Variants in NPEPL1 observed in about 807,000 individuals in gnomAD.
NPEPL1 encodes probable aminopeptidase NPEPL1.
A neutral mutation model predicts 52.4 loss-of-function variants in NPEPL1; 45 were observed. The ratio of observed to expected loss-of-function variants is 0.86; its 90% CI spans 0.68 to 1.10. NPEPL1 has a LOEUF of 1.10. Among genes scored for constraint, NPEPL1 ranks in the 50% least tolerant of loss-of-function variants. The pLI, the probability that NPEPL1 is intolerant of heterozygous loss-of-function variation, is 0.00. For missense variants in NPEPL1, 696 were observed against 710.9 expected, an observed-to-expected ratio of 0.98 and a Z score of 0.24; for synonymous variants, 360 against 314.7, an observed-to-expected ratio of 1.14 and a Z score of -1.52.
In NPEPL1 at chr20:58,713,911, G is replaced by A. The variant is rs984385845; in HGVS notation, c.1126-6G>A. The A allele has an allele frequency of 5.4e-5, 79 of 1,462,072 alleles. No individual in the cohort carries two copies. Among genetic ancestry groups the A allele is most frequent in the Admixed American group, 3.9e-4 (13 of 33,384 alleles). 90.6% of individuals were successfully genotyped at this position (1,462,072 alleles called of 1,614,324 possible). ...CCACACGCTTCCCGGGTTCCTGCCC[G>A]CCCAGGGCATTGCCACAGGGAAGTA... On this transcript the variant is annotated splice_polypyrimidine_tract_variant and splice_region_variant and intron_variant, in intron 9 of 11. Transcript: ENST00000356091. This position sits in a 1 kb window ranked among gnomAD's most constrained non-coding sequence, Gnocchi z 4.6.
chr20:58,714,772 C>T, intron 11 of NPEPL1, 102 bp downstream of exon 11: 2 of 918,726 alleles, frequency 2.2e-6, no homozygotes, highest in Non-Finnish European at 1.6e-6. Context: ...TCAGAAACTT[C>T]TGTCTGTGAC....
Position 58,715,416 on chromosome 20 carries a change from G to T in NPEPL1, c.*90G>T, listed in dbSNP as rs996466361. ...CAATTGAAAGATTGCCCTTCATATG[G>T]GTTTTGGTTTGTCTTTCTGGTCGTC... is the stretch of plus-strand genomic sequence containing the variant. On this transcript the variant is annotated 3_prime_UTR_variant, in exon 12 of 12. Coordinates refer to ENST00000356091, the MANE Select transcript of NPEPL1 (RefSeq NM_024663.4). 3.7e-6 allele frequency: 5 copies of T among 1,344,666 alleles called. No homozygotes were observed. In the African/African-American group the frequency reaches 7.5e-5, roughly 20 times the overall value. 83.3% of individuals were successfully genotyped at this position (1,344,666 alleles called of 1,614,324 possible). A position where few individuals can be genotyped will look rare whatever the true frequency, so the allele number is the denominator to read the frequency against.
Position 58,715,535 on chromosome 20 carries a change from C to T in NPEPL1, c.*209C>T. On this transcript the variant is annotated 3_prime_UTR_variant, in exon 12 of 12. Transcript: ENST00000356091. Reference sequence around the variant, plus strand: ...GACCGGGAAGCGCTGGGGCTTGTTTCTGTTTGTTACTTACAGGACTGAGAC... The same window carrying T: ...GACCGGGAAGCGCTGGGGCTTGTTTTTGTTTGTTACTTACAGGACTGAGAC... 1.9e-6 allele frequency: 1 copy of T among 529,504 alleles called. No individual in the cohort carries two copies. The highest frequency in any genetic ancestry group is 3.3e-6 in the Non-Finnish European group (1 of 306,434). 32.8% of individuals were successfully genotyped at this position (529,504 alleles called of 1,614,324 possible).
upstream of NPEPL1, among the ~76,000 whole-genome samples, chr20:58,690,059 T>C (rs527724125): frequency 6.6e-6 from 1 of 152,220 alleles, no homozygotes; most frequent in Non-Finnish European, 1.5e-5. Context: ...GGGTGAAGTC[T>C]GACATGAAAT....
At chr20:58,711,073 T>TC (rs2084825974) in intron 7 of NPEPL1, 4 of 24,908 alleles carry the variant, frequency 1.6e-4, no homozygotes, top group South Asian at 1.4e-3. Context: ...CGCTCCTCCC[T>TC]CCTCCCCCCC....
At chr20:58,706,584 G>A (rs1293190611) in intron 6 of NPEPL1, among the ~76,000 whole-genome samples, 4 of 152,172 alleles carry the variant, frequency 2.6e-5, no homozygotes, top group Admixed American at 1.3e-4. Context: ...GGTGCAGGAA[G>A]CACGCAAGCC....
intron 7 of NPEPL1, among the ~76,000 whole-genome samples, chr20:58,708,250 G>A (rs796100976): frequency 3.9e-5 from 6 of 152,264 alleles, no homozygotes; most frequent in Non-Finnish European, 5.9e-5. Context: ...GCTCCTGGCC[G>A]TGAGGGAGGA....
intron 6 of NPEPL1, among the ~76,000 whole-genome samples, chr20:58,704,899 G>A (rs772795721): frequency 2.2e-4 from 33 of 152,184 alleles, no homozygotes; most frequent in African/African-American, 7.5e-4. Flanking sequence ...AGTTAAATCC[G>A]CTGTTCTCTC....
At chr20:58,703,069 G>A (rs571389148) in intron 6 of NPEPL1, among the ~76,000 whole-genome samples, 76 of 152,324 alleles carry the variant, frequency 5.0e-4, no homozygotes, top group Admixed American at 9.2e-4. Context: ...TCGACACCGG[G>A]AGGTAGGAAA....
chr20:58,695,046 A>ATGAG, intron 3 of NPEPL1, among the ~76,000 whole-genome samples: 1 of 8,122 alleles, frequency 1.2e-4, no homozygotes, highest in Non-Finnish European at 2.9e-4. Context: ...GTTGCTGTGT[A>ATGAG]TGTTTGCTGG....
rs1027625151 is a variant in NPEPL1, at chr20:58,714,262, C to T, written c.1302+169C>T. ...GTCAGGGCACAGGAGTCATCCCAGACAGCGTGGGCCACTCACTGGCTTCCC... is the reference window on the plus strand; with the variant it reads ...GTCAGGGCACAGGAGTCATCCCAGATAGCGTGGGCCACTCACTGGCTTCCC... On this transcript the variant is annotated intron_variant, in intron 10 of 11. Transcript: ENST00000356091. The T allele has an allele frequency of 5.8e-6, 4 of 690,980 alleles. No homozygotes were observed. The African/African-American group carries it at 7.4e-5, about 13-fold the overall frequency. 42.8% of individuals were successfully genotyped at this position (690,980 alleles called of 1,614,324 possible).
At chr20:58,703,845 A>AT (rs1270978557) in intron 6 of NPEPL1, 2 of 984,864 alleles carry the variant, frequency 2.0e-6, no homozygotes, top group Non-Finnish European at 2.4e-6. Context: ...AGAGTAGGGC[A>AT]TTTTCCATGG....
At chr20:58,701,819 C>T (rs1033069821) in intron 6 of NPEPL1, among the ~76,000 whole-genome samples, 9 of 152,150 alleles carry the variant, frequency 5.9e-5, no homozygotes, top group Non-Finnish European at 1.2e-4. Context: ...GCGAGTCACC[C>T]GGGAACATCC....
At chr20:58,696,227 G>A (rs1033233924) in intron 3 of NPEPL1, among the ~76,000 whole-genome samples, 2 of 152,112 alleles carry the variant, frequency 1.3e-5, no homozygotes, top group Non-Finnish European at 2.9e-5. Context: ...GACTGGCCAC[G>A]CCCACTCCTG....
chr20:58,689,840 C>T (rs1027067692), upstream of NPEPL1, among the ~76,000 whole-genome samples: 2 of 152,132 alleles, frequency 1.3e-5, no homozygotes, highest in Non-Finnish European at 2.9e-5. Context: ...CACACACACA[C>T]ACGCTATTGC....
chr20:58,704,155 G>A lies in NPEPL1; in HGVS notation c.823-2968G>A, dbSNP rs558635846. ...AAGGCGCTCACAATCTCTCCCCAAC[G>A]GCCTGGTGTGAAACGCAGACGCAAC... On this transcript the variant is annotated intron_variant, in intron 6 of 11. Transcript: ENST00000356091. The A allele has an allele frequency of 1.7e-4, 170 of 985,340 alleles. 3 individuals carry two copies. In the South Asian group the frequency reaches 3.1e-3, roughly 18 times the overall value. The allele number at this position is 985,340 out of a possible 1,614,324, so 61.0% of individuals were successfully genotyped here.
upstream of NPEPL1, chr20:58,691,688 CTTTTCTTTT>C (rs2084347886): frequency 1.4e-6 from 1 of 696,550 alleles, no homozygotes. Context: ...TTCTTTTTTT[CTTTTCTTTT>C]TTTTTTTTTT....
At chr20:58,709,064 T>G (rs1421988967) in intron 7 of NPEPL1, among the ~76,000 whole-genome samples, 1 of 151,620 alleles carries the variant, frequency 6.6e-6, no homozygotes, top group African/African-American at 2.4e-5. Flanking sequence ...GATCACAGAT[T>G]CATCAGGCAG....
At chr20:58,706,885 A>G (rs2123128621) in intron 6 of NPEPL1, among the ~76,000 whole-genome samples, 1 of 152,258 alleles carries the variant, frequency 6.6e-6, no homozygotes, top group South Asian at 2.1e-4. Context: ...GTCAAAACAA[A>G]AGGGAGCCTC....
Sources: allele counts gnomAD v4.1 joint callset (sites outside exome capture counted in the v4.1 genomes callset), GRCh38; gene constraint gnomAD v4.1.1; non-coding constraint Gnocchi (gnomAD v3.1); transcripts MANE v1.5; gene names NCBI Gene and HGNC (gene_info 2026-07-23, HGNC 2026-07-21).